FCN2: variants seen among roughly 807,000 people sequenced by gnomAD.
The protein encoded by FCN2 is ficolin 2.
Under a neutral mutation model 32.5 loss-of-function variants are expected in FCN2, and 31 were observed. That is an observed-to-expected ratio of 0.96 (90% CI 0.72 to 1.29). FCN2 has a LOEUF of 1.29. FCN2 is among the 50% of genes most tolerant of loss of function. The probability of loss-of-function intolerance (pLI) is 0.00; values close to 1 mark genes in which losing one functional copy is unlikely to be tolerated. For missense variants in FCN2, 412 were observed against 406.5 expected (o/e 1.01, Z -0.12); for synonymous variants, 181 against 164.5 (o/e 1.10, Z -0.77).
At chr9:134,872,079 C>G in the FCN2 span, among the ~76,000 whole-genome samples, 2 of 152,206 alleles carry the variant, frequency 1.3e-5, no homozygotes, top group African/African-American at 4.8e-5. Flanking sequence ...CCCGGCAGAC[C>G]TATTTTAAGG....
At chr9:134,867,520 T>G in the FCN2 span, among the ~76,000 whole-genome samples, 1 of 144,136 alleles carries the variant, frequency 6.9e-6, no homozygotes. Context: ...GGGATAGCAT[T>G]GGGAGATATA....
At chr9:134,883,223 A>G in intron 2 of FCN2, 79 bp from the exon 3 acceptor site, 1 of 1,205,224 alleles carries the variant, frequency 8.3e-7, no homozygotes, top group Non-Finnish European at 1.2e-6. Context: ...ATTGGAAATG[A>G]CAGCCGCCAG....
chr9:134,883,649 T>G (rs1239237630), intron 3 of FCN2, among the ~76,000 whole-genome samples: 1 of 141,136 alleles, frequency 7.1e-6, no homozygotes, highest in African/African-American at 2.7e-5. Context: ...GGGGGCAGGG[T>G]TCTCAATGTC....
upstream of FCN2, among the ~76,000 whole-genome samples, chr9:134,879,909 G>A (rs1038159057): frequency 1.3e-5 from 2 of 152,078 alleles, no homozygotes; most frequent in African/African-American, 2.4e-5. Flanking sequence ...TTAGGTATAC[G>A]GCCTCTGGGG....
chr9:134,873,871 TTTTG>T, the FCN2 span, among the ~76,000 whole-genome samples: 284 of 94,658 alleles, frequency 3.0e-3, no homozygotes, highest in Middle Eastern at 0.03. Flanking sequence ...AGAACTTTTT[TTTTG>T]TTTGTTTGTT....
At chr9:134,884,682 G>A in intron 3 of FCN2, 58 bp from the exon 4 acceptor site, 3 of 1,546,882 alleles carry the variant, frequency 1.9e-6, no homozygotes, top group African/African-American at 1.4e-5. Flanking sequence ...ACCAATGGGG[G>A]CTGAAGGGCT....
chr9:134,876,575 AGTTTT>A (rs1343478218), upstream of FCN2, among the ~76,000 whole-genome samples: 2 of 152,078 alleles, frequency 1.3e-5, no homozygotes, highest in African/African-American at 2.4e-5. Flanking sequence ...TTATATGTAT[AGTTTT>A]GTTTTGTTTT....
At position 134,887,344 on chromosome 9, in the gene FCN2, A is replaced by C. The variant is rs1036382717; in HGVS notation, c.871A>C (p.Ile291Leu). The C allele has an allele frequency of 6.2e-7, 1 of 1,614,060 alleles. No homozygotes were observed. The highest frequency in any genetic ancestry group is 8.5e-7 in the Non-Finnish European group (1 of 1,180,036). Reference protein sequence around the residue: ...RGTHGSFANGINWKSGKGYNY... With the variant: ...RGTHGSFANGLNWKSGKGYNY... ...GACTCATGGCAGCTTTGCAAATGGC[A>C]TCAACTGGAAGTCGGGGAAAGGATA... The change falls in exon 8 of 8, where the codon ATC (isoleucine) becomes CTC (leucine). Residue 291 changes from isoleucine to leucine, a missense_variant. By Grantham distance (5) the Ile-to-Leu change is conservative. Transcript: ENST00000291744.
the FCN2 span, among the ~76,000 whole-genome samples, chr9:134,873,533 A>G: frequency 1.3e-5 from 2 of 152,150 alleles, no homozygotes; most frequent in African/African-American, 4.8e-5. Context: ...CACCAGGCCC[A>G]CTCAGAGAGG....
the FCN2 span, chr9:134,868,611 A>T: frequency 6.6e-6 from 1 of 152,352 alleles, no homozygotes; most frequent in Admixed American, 6.5e-5. The surrounding 1 kb of genome is among the most constrained non-coding windows in gnomAD (Gnocchi z 4.3). Flanking sequence ...AGTCCCTTAT[A>T]GGCATGGCCC....
At position 134,883,237 on chromosome 9, in the gene FCN2, C is replaced by T. The variant is rs888960840; in HGVS notation, c.215-65C>T. 1.3e-5 allele frequency: 18 copies of T among 1,335,976 alleles called. No individual in the cohort carries two copies. In the Admixed American group the frequency reaches 2.0e-4, roughly 15 times the overall value. The allele number at this position is 1,335,976 out of a possible 1,614,324, so 82.8% of individuals were successfully genotyped here. On this transcript the variant is annotated intron_variant, in intron 2 of 7. Coordinates refer to ENST00000291744, the MANE Select transcript of FCN2 (RefSeq NM_004108.3). ...GATTGGAAATGACAGCCGCCAGCTC[C>T]AGGGTGGGCCCTTTGATCCTGGGCT...
At chr9:134,883,925 G>C (rs1830705242) in intron 3 of FCN2, among the ~76,000 whole-genome samples, 1 of 150,136 alleles carries the variant, frequency 6.7e-6, no homozygotes, top group African/African-American at 2.5e-5. Context: ...CTGCCCTGTG[G>C]GTGGGCCTGA....
rs759195895 is a variant in FCN2, at chr9:134,882,669, C to T, written c.214+30C>T. On this transcript the variant is annotated intron_variant, in intron 2 of 7. Coordinates refer to ENST00000291744, the MANE Select transcript of FCN2 (RefSeq NM_004108.3). ...GTGCAGGCATGGCTGGGGGCACTGGCTCTTGCTCTTTTTGAAACCAGATGC... is the reference window on the plus strand; with the variant it reads ...GTGCAGGCATGGCTGGGGGCACTGGTTCTTGCTCTTTTTGAAACCAGATGC... 1.1e-5 allele frequency: 17 copies of T among 1,482,882 alleles called. No individual in the cohort carries two copies. In the African/African-American group the frequency reaches 1.7e-4, roughly 14 times the overall value. The allele number at this position is 1,482,882 out of a possible 1,614,324, so 91.9% of individuals were successfully genotyped here.
At position 134,882,596 on chromosome 9, in the gene FCN2, G is replaced by A; in HGVS notation, c.171G>A (p.Gly57=). 1 of 1,614,124 alleles carries A rather than the reference G, an allele frequency of 6.2e-7. No homozygotes were observed. Among genetic ancestry groups the A allele is most frequent in the East Asian group, 2.2e-5 (1 of 44,884 alleles). Residue 57 remains glycine, a synonymous_variant, in exon 2 of 8, where the codon GGG becomes GGA. Transcript: ENST00000291744. ...TCCGAGGCTGTCCGGGGCTGCCTGG[G>A]GCCCCTGGGCCCAAGGGAGAGGCAG... ...TILRGCPGLP[G]APGPKGEAGT...
rs745570304 is a variant in FCN2, at chr9:134,885,343, G to C, written c.406G>C (p.Asp136His). The change falls in exon 5 of 8, where the codon GAC becomes CAC. Residue 136 changes from aspartate (D) to histidine (H), a missense_variant. Coordinates refer to ENST00000291744, the MANE Select transcript of FCN2 (RefSeq NM_004108.3). ...GCCCCTGACTGTGCTCTGTGACATG[G>C]ACACGGACGGAGGGGGCTGGACCGT... ...CRPLTVLCDM[D>H]TDGGGWTVFQ... The C allele has an allele frequency of 7.4e-6, 12 of 1,613,870 alleles. No individual in the cohort carries two copies. Among genetic ancestry groups the C allele is most frequent in the African/African-American group, 1.3e-5 (1 of 74,930 alleles).
chr9:134,883,246 C>T, intron 2 of FCN2, 56 bp from the exon 3 acceptor site: 1 of 1,409,120 alleles, frequency 7.1e-7, no homozygotes, highest in Non-Finnish European at 1.0e-6. Context: ...CCAGGGTGGG[C>T]CCTTTGATCC....
At chr9:134,887,097 A>G (rs1170050835) in intron 7 of FCN2, 71 bp from the exon 8 acceptor site, 2 of 1,566,222 alleles carry the variant, frequency 1.3e-6, no homozygotes, top group Non-Finnish European at 1.8e-6. Context: ...GCCAGGCCTC[A>G]GGTATAAAGA....
chr9:134,873,998 C>T, the FCN2 span, among the ~76,000 whole-genome samples: 1 of 151,646 alleles, frequency 6.6e-6, no homozygotes, highest in Non-Finnish European at 1.5e-5. Flanking sequence ...GCAACCTCCA[C>T]CTCCCGGGTT....
At chr9:134,880,728 G>A (rs1830649533), upstream of FCN2, 2 of 997,376 alleles carry the variant, frequency 2.0e-6, no homozygotes, top group African/African-American at 1.6e-5. Flanking sequence ...GGAAGCGGCT[G>A]TCACTCGGAA....
Sources: allele counts gnomAD v4.1 joint callset (sites outside exome capture counted in the v4.1 genomes callset), GRCh38; gene constraint gnomAD v4.1.1; non-coding constraint Gnocchi (gnomAD v3.1); transcripts MANE v1.5; gene names NCBI Gene and HGNC (gene_info 2026-07-23, HGNC 2026-07-21).